Variants in PHKA1 observed in about 807,000 individuals in gnomAD.
PHKA1 encodes the protein phosphorylase b kinase regulatory subunit alpha, skeletal muscle isoform.
A neutral mutation model predicts 110.2 loss-of-function variants in PHKA1; 60 were observed. The observed-to-expected ratio is 0.54, with a 90% confidence interval of 0.44 to 0.68. The LOEUF is 0.68. Ranked by LOEUF, PHKA1 falls within the 30% of genes least tolerant of loss-of-function variation. The probability of loss-of-function intolerance (pLI) is 0.00; values close to 1 mark genes in which losing one functional copy is unlikely to be tolerated. For synonymous variants in PHKA1, 316 were observed against 333.6 expected, an observed-to-expected ratio of 0.95 and a Z score of 0.58; for missense variants, 801 against 942.5, an observed-to-expected ratio of 0.85 and a Z score of 1.97.
chrX:72,635,269 G>A lies in PHKA1; in HGVS notation c.1600C>T (p.Leu534=), dbSNP rs1556290975. ...ATTTCCACTATCATCTTGTTGTCCAGAGCCAGGTAGAACTGTTGCTGGTCT... is the reference window on the plus strand; with the variant it reads ...ATTTCCACTATCATCTTGTTGTCCAAAGCCAGGTAGAACTGTTGCTGGTCT... The part of the protein sequence containing the change: ...FIDQQQFYLA[L]DNKMIVEMLR... The change falls in exon 16 of 32, where the codon CTG becomes TTG. Residue 534 remains leucine, a synonymous_variant. Transcript: ENST00000373542. 1.7e-6 allele frequency: 2 copies of A among 1,209,709 alleles called. No homozygotes were observed.
At chrX:72,661,250 T>C (rs781806651) in intron 8 of PHKA1, among the ~76,000 whole-genome samples, 294 of 112,010 alleles carry the variant, frequency 2.6e-3, no homozygotes, top group Non-Finnish European at 4.8e-3. Context: ...GTTTAGGTAA[T>C]AAGAAATATT....
At chrX:72,697,117 A>G (rs1012391539) in intron 3 of PHKA1, 1 of 111,633 alleles carries the variant, frequency 9.0e-6, no homozygotes, top group Non-Finnish European at 1.9e-5. Flanking sequence ...ACACGCTTCT[A>G]ACGGGGAAGA....
chrX:72,688,914 C>T (rs781903970), intron 4 of PHKA1: 1 of 111,933 alleles, frequency 8.9e-6, no homozygotes, highest in East Asian at 2.8e-4. Flanking sequence ...AGGGATCAGC[C>T]TCTTGAGGAA....
chrX:72,607,704 CTG>C (rs782483448), intron 23 of PHKA1, among the ~76,000 whole-genome samples: 64 of 111,737 alleles, frequency 5.7e-4, no homozygotes, highest in Non-Finnish European at 1.1e-3. Context: ...GAATGACTGA[CTG>C]TAGAATGGTC....
chrX:72,587,375 G>A (rs1239914219), intron 29 of PHKA1, among the ~76,000 whole-genome samples: 1 of 111,473 alleles, frequency 9.0e-6, no homozygotes, highest in Non-Finnish European at 1.9e-5. Context: ...TTAGAGACAA[G>A]CAAATGCTGA....
chrX:72,579,669 G>A lies in PHKA1; in HGVS notation c.*1333C>T, dbSNP rs1457118532. On this transcript the variant is annotated 3_prime_UTR_variant, in exon 32 of 32. Coordinates refer to ENST00000373542, the MANE Select transcript of PHKA1 (RefSeq NM_002637.4). ...AACATTCTTACTCAGTCCATCAAATGTAGATACAGATTGATATACAGACAC... is the reference window on the plus strand; with the variant it reads ...AACATTCTTACTCAGTCCATCAAATATAGATACAGATTGATATACAGACAC... The A allele has an allele frequency of 9.0e-6, 1 of 110,711 alleles. No individual in the cohort carries two copies. The highest frequency in any genetic ancestry group is 1.9e-5 in the Non-Finnish European group (1 of 52,921). The allele number at this position is 110,711 out of a possible 1,213,427, so 9.1% of individuals were successfully genotyped here.
intron 14 of PHKA1, among the ~76,000 whole-genome samples, chrX:72,637,590 T>C (rs1183414036): frequency 8.9e-6 from 1 of 111,980 alleles, no homozygotes; most frequent in Non-Finnish European, 1.9e-5. Flanking sequence ...CTGGATTATA[T>C]AGTAATTCTA....
intron 29 of PHKA1, among the ~76,000 whole-genome samples, chrX:72,587,347 A>G (rs1254043594): frequency 9.0e-6 from 1 of 111,548 alleles, no homozygotes; most frequent in Non-Finnish European, 1.9e-5. Flanking sequence ...TTCATAAGTG[A>G]AGGAGAAATA....
At chrX:72,682,087 G>A (rs782504000) in intron 5 of PHKA1, among the ~76,000 whole-genome samples, 7 of 50,003 alleles carry the variant, frequency 1.4e-4, no homozygotes, top group Admixed American at 2.1e-4. Context: ...GGGGGGGGTC[G>A]GCCCCCCGCC....
chrX:72,585,542 G>A (rs2052413209), intron 29 of PHKA1, among the ~76,000 whole-genome samples: 1 of 111,963 alleles, frequency 8.9e-6, no homozygotes, highest in Non-Finnish European at 1.9e-5. Context: ...TCCAACTGAG[G>A]TACCTGGTTC....
chrX:72,619,536 G>C (rs1050104337), intron 19 of PHKA1, among the ~76,000 whole-genome samples: 3 of 112,123 alleles, frequency 2.7e-5, no homozygotes, highest in African/African-American at 9.7e-5. Context: ...TATAGCACTA[G>C]CTGGACATGT....
At chrX:72,621,799 T>C (rs2147709813) in intron 18 of PHKA1, 1 of 749,514 alleles carries the variant, frequency 1.3e-6, no homozygotes, top group East Asian at 1.5e-4. Context: ...TTATGAAGAA[T>C]ATGGAGAGAA....
rs56736755 is a variant in PHKA1, at chrX:72,704,837, C to T, written c.285+361G>A. ...AACTTATGGACTCAAGCAATCCATC[C>T]GCCTTGGCCTCCCAGAATGCCGGGA... On this transcript the variant is annotated intron_variant, in intron 3 of 31. Coordinates refer to ENST00000373542, the MANE Select transcript of PHKA1 (RefSeq NM_002637.4). Among the ~76,000 whole-genome samples the T allele has an allele frequency of 0.053, 5,950 of 111,890 alleles. 778 individuals are homozygous for T. In the East Asian group the frequency reaches 0.68, roughly 13 times the overall value.
chrX:72,632,488 G>T (rs1381919315), intron 16 of PHKA1, among the ~76,000 whole-genome samples: 1 of 111,018 alleles, frequency 9.0e-6, no homozygotes, highest in Non-Finnish European at 1.9e-5. Flanking sequence ...CTGCTTTCTT[G>T]TCAGCATTTA....
Position 72,593,266 on chromosome X carries a change from T to A in PHKA1, c.3081A>T (p.Gly1027=), listed in dbSNP as rs782073125. ...ACCCACTACTTGGAGTCATAGAGGTTCCAGGTGACTTGGAAGAGGAGAGGA... is the reference window on the plus strand; with the variant it reads ...ACCCACTACTTGGAGTCATAGAGGTACCAGGTGACTTGGAAGAGGAGAGGA... ...LSISAESQSP[G]TSMTPSSGSF... is the part of the protein sequence containing the mutation. The change falls in exon 29 of 32, where the codon GGA becomes GGT. Residue 1027 remains glycine, a synonymous_variant. Coordinates refer to ENST00000373542, the MANE Select transcript of PHKA1 (RefSeq NM_002637.4). 1.7e-6 allele frequency: 2 copies of A among 1,193,523 alleles called. No homozygotes were observed. The highest frequency in any genetic ancestry group is 3.5e-5 in the South Asian group (2 of 56,527).
intron 29 of PHKA1, among the ~76,000 whole-genome samples, chrX:72,585,233 T>A (rs782764199): frequency 9.0e-6 from 1 of 111,125 alleles, no homozygotes; most frequent in South Asian, 3.8e-4. Flanking sequence ...ATAAAAAGTA[T>A]AAACTACAGC....
At chrX:72,681,357 C>G (rs1311936541) in intron 5 of PHKA1, among the ~76,000 whole-genome samples, 5 of 110,445 alleles carry the variant, frequency 4.5e-5, no homozygotes, top group African/African-American at 6.5e-5. Flanking sequence ...AGTGAGGAGC[C>G]TCTCCGCCCG....
At chrX:72,596,745 A>G (rs2052594524) in intron 28 of PHKA1, among the ~76,000 whole-genome samples, 1 of 111,846 alleles carries the variant, frequency 8.9e-6, no homozygotes, top group Non-Finnish European at 1.9e-5. Flanking sequence ...CACAATCTCT[A>G]TCAACATACC....
intron 2 of PHKA1, among the ~76,000 whole-genome samples, chrX:72,711,614 C>A (rs1474070044): frequency 9.0e-6 from 1 of 110,918 alleles, no homozygotes; most frequent in Non-Finnish European, 1.9e-5. Flanking sequence ...CGTGGTGGCA[C>A]GCGCATGTAG....
Sources: gnomAD v4.1 joint callset for allele counts (sites outside exome capture counted in the v4.1 genomes callset) on GRCh38, gnomAD v4.1.1 for gene constraint, MANE v1.5 for transcripts, NCBI Gene and HGNC (gene_info 2026-07-23, HGNC 2026-07-21) for gene names.